Variants in USH2A observed in about 807,000 individuals in gnomAD.
USH2A encodes usherin, also known as Usher syndrome 2A (autosomal recessive, mild).
Under a neutral mutation model 538.9 loss-of-function variants are expected in USH2A, and 443 were observed. The observed-to-expected ratio is 0.82, with a 90% CI of 0.76 to 0.89. The LOEUF (loss-of-function observed/expected upper bound fraction) is 0.89. Ranked by LOEUF, USH2A falls within the 40% of genes least tolerant of loss-of-function variation. The pLI is 0.00. For missense variants in USH2A, 6,633 were observed against 6,324.8 expected, an observed-to-expected ratio of 1.05 and a Z score of -1.65; for synonymous variants, 2,413 against 2,273.5, an observed-to-expected ratio of 1.06 and a Z score of -1.75.
intron 47 of USH2A, among the ~76,000 whole-genome samples, chr1:215,820,120 A>C (rs1422375003): frequency 6.6e-6 from 1 of 151,536 alleles, no homozygotes; most frequent in Non-Finnish European, 1.5e-5. Flanking sequence ...TATTTGAATG[A>C]ATTTTTTTTG....
At chr1:216,177,860 G>C (rs776904113) in intron 20 of USH2A, among the ~76,000 whole-genome samples, 4 of 152,064 alleles carry the variant, frequency 2.6e-5, no homozygotes, top group Non-Finnish European at 4.4e-5. Context: ...TGCTGGATTT[G>C]AGAGGTGAAT....
At chr1:216,136,970 AC>A (rs1186050565) in intron 21 of USH2A, among the ~76,000 whole-genome samples, 1 of 152,178 alleles carries the variant, frequency 6.6e-6, no homozygotes, top group South Asian at 2.1e-4. Context: ...GGTTTAAGCT[AC>A]CTGATGCAGT....
chr1:216,248,750 T>C (rs1264394180), intron 12 of USH2A, among the ~76,000 whole-genome samples: 1 of 152,100 alleles, frequency 6.6e-6, no homozygotes, highest in Admixed American at 6.5e-5. Context: ...TGGATTCATA[T>C]CATATCAGTT....
chr1:215,839,379 C>A (rs770456109), intron 46 of USH2A, among the ~76,000 whole-genome samples: 5 of 152,018 alleles, frequency 3.3e-5, no homozygotes. Flanking sequence ...CACAAATAAT[C>A]GTATTGATTC....
intron 26 of USH2A, chr1:216,080,050 AT>A (rs1264295905): frequency 2.0e-5 from 3 of 152,116 alleles, no homozygotes. Flanking sequence ...GGGTGAGTTC[AT>A]TTTAAATATA....
chr1:216,156,670 A>G (rs2033949458), intron 21 of USH2A, among the ~76,000 whole-genome samples: 1 of 152,152 alleles, frequency 6.6e-6, no homozygotes, highest in African/African-American at 2.4e-5. Context: ...TTAGAAATGG[A>G]CAACTGAGAC....
chr1:216,320,238 G>A (rs905228478), intron 9 of USH2A, among the ~76,000 whole-genome samples: 14 of 152,002 alleles, frequency 9.2e-5, no homozygotes, highest in African/African-American at 3.1e-4. Context: ...TTTAGACACG[G>A]CTGTTTAAAA....
chr1:216,294,619 AAG>A (rs1448288000), intron 9 of USH2A, among the ~76,000 whole-genome samples: 1 of 151,884 alleles, frequency 6.6e-6, no homozygotes, highest in African/African-American at 2.4e-5. Context: ...TACATTATCA[AAG>A]AGTATAAACA....
At chr1:216,174,039 G>A in intron 21 of USH2A, 1 of 984,950 alleles carries the variant, frequency 1.0e-6, no homozygotes, top group African/African-American at 1.7e-5. Flanking sequence ...GATGTACTGA[G>A]AGAGTAGTTA....
At chr1:215,671,368 GCCTT>G in intron 63 of USH2A, 75 bp from the exon 64 acceptor site, 3 of 1,433,772 alleles carry the variant, frequency 2.1e-6, no homozygotes, top group Non-Finnish European at 9.6e-7. Flanking sequence ...AAAACACCAG[GCCTT>G]AAAAAAAAAA....
At chr1:216,016,436 A>C (rs1428987120) in intron 32 of USH2A, among the ~76,000 whole-genome samples, 1 of 152,162 alleles carries the variant, frequency 6.6e-6, no homozygotes, top group Non-Finnish European at 1.5e-5. Context: ...ACCACATACT[A>C]AACTCAACAA....
chr1:216,248,524 G>C (rs2036096475), intron 12 of USH2A, among the ~76,000 whole-genome samples: 1 of 151,754 alleles, frequency 6.6e-6, no homozygotes, highest in Non-Finnish European at 1.5e-5. Flanking sequence ...TCCTAAACTG[G>C]AAGGAAATAC....
intron 15 of USH2A, among the ~76,000 whole-genome samples, chr1:216,216,301 G>A (rs750247521): frequency 1.2e-4 from 18 of 152,138 alleles, no homozygotes; most frequent in African/African-American, 2.9e-4. Flanking sequence ...GATGAAATGC[G>A]GGATGCTGAA....
Position 215,667,464 on chromosome 1 carries a change from C to T in USH2A, c.14133+3508G>A, listed in dbSNP as rs201140978. Among the ~76,000 whole-genome samples the T allele has an allele frequency of 2.4e-4, 37 of 152,026 alleles. No individual in the cohort carries two copies. The East Asian group carries it at 3.9e-3, about 16-fold the overall frequency. ...GAACTCATCCATCACTTTAGGAGGC[C>T]GAGGTGGGTGGATCACGAAGTTAGG... On this transcript the variant is annotated intron_variant, in intron 64 of 71. Coordinates refer to ENST00000307340, the MANE Select transcript of USH2A (RefSeq NM_206933.4).
At chr1:216,048,146 C>G (rs1382700164) in intron 31 of USH2A, among the ~76,000 whole-genome samples, 1 of 152,176 alleles carries the variant, frequency 6.6e-6, no homozygotes, top group Non-Finnish European at 1.5e-5. Flanking sequence ...CCGTTTGATT[C>G]TCAATTTCAT....
At chr1:216,242,802 C>T (rs1558339075) in intron 13 of USH2A, among the ~76,000 whole-genome samples, 3 of 152,198 alleles carry the variant, frequency 2.0e-5, no homozygotes, top group Middle Eastern at 3.4e-3. Context: ...AAGAAAGAAA[C>T]ATAATTGAGT....
intron 21 of USH2A, among the ~76,000 whole-genome samples, chr1:216,156,906 G>A (rs1031185968): frequency 1.9e-4 from 28 of 145,132 alleles, no homozygotes; most frequent in African/African-American, 7.2e-4. Context: ...ACGGAGTTTT[G>A]CTCTGTTGCC....
At chr1:216,252,887 C>T (rs942802121) in intron 11 of USH2A, among the ~76,000 whole-genome samples, 1 of 152,110 alleles carries the variant, frequency 6.6e-6, no homozygotes, top group Non-Finnish European at 1.5e-5. Flanking sequence ...ATCCAATAGG[C>T]GTGTGGGTAC....
chr1:215,919,891 G>A (rs17025593), intron 38 of USH2A, among the ~76,000 whole-genome samples: 1 of 151,912 alleles, frequency 6.6e-6, no homozygotes, highest in Non-Finnish European at 1.5e-5. Context: ...CAATAGAACT[G>A]TATCTGGCCA....
Sources: allele counts gnomAD v4.1 joint callset (sites outside exome capture counted in the v4.1 genomes callset), GRCh38; gene constraint gnomAD v4.1.1; transcripts MANE v1.5; gene names NCBI Gene and HGNC (gene_info 2026-07-23, HGNC 2026-07-21).